Variants in CR1 observed in about 807,000 individuals in gnomAD.
The protein encoded by CR1 is complement receptor type 1.
In CR1, 116 loss-of-function variants were observed where a neutral mutation model predicts 187.3. That is an observed-to-expected ratio of 0.62 (90% confidence interval 0.53 to 0.72). The LOEUF (loss-of-function observed/expected upper bound fraction) is 0.72, where lower values mean the gene tolerates loss of function less well. Ranked by LOEUF, CR1 falls within the 30% of genes least tolerant of loss-of-function variation. The pLI, the probability that CR1 is intolerant of heterozygous loss-of-function variation, is 0.00. For missense variants in CR1, 1,731 were observed against 2,110.7 expected (o/e 0.82, Z 3.52); for synonymous variants, 576 against 747.1 (o/e 0.77, Z 3.73).
intron 1 of CR1, among the ~76,000 whole-genome samples, chr1:207,499,142 A>G (rs1659189004): frequency 1.3e-5 from 2 of 152,126 alleles, no homozygotes; most frequent in African/African-American, 4.8e-5. Context: ...TATAGACAAT[A>G]TATATGAAAA....
At chr1:207,515,804 G>A (rs1442257148) in intron 4 of CR1, among the ~76,000 whole-genome samples, 1 of 151,974 alleles carries the variant, frequency 6.6e-6, no homozygotes, top group Non-Finnish European at 1.5e-5. Flanking sequence ...TTGTCTTTCA[G>A]GCTGTGGCTT....
chr1:207,622,781 G>A (rs371015017), intron 44 of CR1, among the ~76,000 whole-genome samples: 3 of 152,012 alleles, frequency 2.0e-5, no homozygotes, highest in African/African-American at 7.2e-5. Flanking sequence ...TGGACTAAAC[G>A]TTACAAAACG....
At chr1:207,625,632 C>T (rs1662456689) in intron 45 of CR1, among the ~76,000 whole-genome samples, 1 of 152,104 alleles carries the variant, frequency 6.6e-6, no homozygotes, top group Non-Finnish European at 1.5e-5. Context: ...AACTCAGTCT[C>T]CCCAAGAACA....
Position 207,609,490 on chromosome 1 carries a change from C to G in CR1, c.6097C>G (p.Pro2033Ala). ...AGTTGGTGTTTGGAGCAGCCCTCCC[C>G]CTCGGTGTATTTCTACTAATAAATG... ...DQVGVWSSPP[P>A]RCISTNKCTA... is the part of the protein sequence containing the mutation. Residue 2033 changes from proline (P) to alanine (A), a missense_variant, in exon 37 of 47, where the codon CCT becomes GCT. Coordinates refer to ENST00000367049, the MANE Select transcript of CR1 (RefSeq NM_000651.6). The G allele has an allele frequency of 6.2e-7, 1 of 1,613,978 alleles. No homozygotes were observed.
intron 35 of CR1, among the ~76,000 whole-genome samples, chr1:207,597,040 A>G (rs1408571983): frequency 6.7e-6 from 1 of 149,032 alleles, no homozygotes; most frequent in African/African-American, 2.4e-5. Flanking sequence ...ATTATTTTAT[A>G]TCAATAAAAA....
At chr1:207,613,489 C>T (rs1662002272) in intron 39 of CR1, among the ~76,000 whole-genome samples, 2 of 152,092 alleles carry the variant, frequency 1.3e-5, no homozygotes. Context: ...TCAAACCAGT[C>T]CATGGATTTA....
intron 37 of CR1, among the ~76,000 whole-genome samples, chr1:207,610,324 ATTGT>A (rs977924087): frequency 2.0e-5 from 3 of 151,614 alleles, no homozygotes; most frequent in African/African-American, 4.9e-5. Flanking sequence ...AGGTTTTTTG[ATTGT>A]TTGTTTGTTT....
chr1:207,630,011 G>A (rs781721794), intron 45 of CR1, among the ~76,000 whole-genome samples: 1 of 152,188 alleles, frequency 6.6e-6, no homozygotes, highest in Non-Finnish European at 1.5e-5. Context: ...ATATTAAAAA[G>A]TGAGTAAATA....
At chr1:207,580,130 T>C (rs1175630278) in intron 29 of CR1, 110 bp from the exon 30 acceptor site, 2 of 1,477,346 alleles carry the variant, frequency 1.4e-6, no homozygotes, top group Non-Finnish European at 1.8e-6. Context: ...GGCCTTGTGC[T>C]AGGGAGAATT....
At chr1:207,598,202 T>G (rs1449293260) in intron 35 of CR1, among the ~76,000 whole-genome samples, 3 of 152,206 alleles carry the variant, frequency 2.0e-5, no homozygotes, top group Non-Finnish European at 4.4e-5. Flanking sequence ...TTGATGCCAC[T>G]GAATTATACC....
intron 1 of CR1, among the ~76,000 whole-genome samples, chr1:207,504,030 C>A (rs1443642871): frequency 1.3e-5 from 2 of 152,208 alleles, no homozygotes; most frequent in Non-Finnish European, 2.9e-5. Flanking sequence ...TGTCACACTT[C>A]AAACTGCAAA....
intron 3 of CR1, among the ~76,000 whole-genome samples, chr1:207,508,308 T>A (rs1379207820): frequency 6.6e-6 from 1 of 152,248 alleles, no homozygotes; most frequent in Non-Finnish European, 1.5e-5. Flanking sequence ...GTGGCCATGA[T>A]GTGTCAGTGT....
chr1:207,567,706 A>T, intron 24 of CR1, 118 bp from the exon 25 acceptor site: 2 of 1,351,484 alleles, frequency 1.5e-6, no homozygotes, highest in South Asian at 2.6e-5. Context: ...CAAAGTCCTA[A>T]TGTCTACTGT....
At chr1:207,505,769 G>A (rs1407775520) in intron 1 of CR1, 135 bp from the exon 2 acceptor site, 1 of 915,940 alleles carries the variant, frequency 1.1e-6, no homozygotes, top group Non-Finnish European at 1.6e-6. Context: ...CCAAGAGGCG[G>A]AGGTTGCAGT....
At chr1:207,499,278 T>G (rs1659192462) in intron 1 of CR1, among the ~76,000 whole-genome samples, 1 of 152,168 alleles carries the variant, frequency 6.6e-6, no homozygotes. Flanking sequence ...CATCATATAA[T>G]GATAAAGGGG....
chr1:207,629,782 T>C (rs1662587116), intron 45 of CR1, among the ~76,000 whole-genome samples: 1 of 152,168 alleles, frequency 6.6e-6, no homozygotes, highest in South Asian at 2.1e-4. Flanking sequence ...CAGTGTACCA[T>C]ACCAAGTGAG....
At chr1:207,617,541 G>A (rs1312524984) in intron 41 of CR1, among the ~76,000 whole-genome samples, 13 of 98,496 alleles carry the variant, frequency 1.3e-4, no homozygotes, top group East Asian at 5.0e-4. Context: ...GTGTGTGTAT[G>A]TGTGTATATA....
chr1:207,608,921 G>T (rs1410057230), intron 36 of CR1, among the ~76,000 whole-genome samples: 3 of 151,804 alleles, frequency 2.0e-5, no homozygotes, highest in African/African-American at 7.3e-5. Context: ...CATAAATAAT[G>T]CCAGAAGTGG....
In CR1 at chr1:207,496,175, A is replaced by G. The variant is rs1572976869; in HGVS notation, c.-93A>G. On this transcript the variant is annotated 5_prime_UTR_variant, in exon 1 of 47. Transcript: ENST00000367049. ...CCTCCCCACACTCTGGGCGCGGAGC[A>G]CAATGATTGGTCACTCCTATTTTCG... The G allele has an allele frequency of 1.4e-5, 23 of 1,605,800 alleles. No homozygotes were observed. The East Asian group carries it at 4.9e-4, about 34-fold the overall frequency.
Sources: allele counts gnomAD v4.1 joint callset (sites outside exome capture counted in the v4.1 genomes callset), GRCh38; gene constraint gnomAD v4.1.1; transcripts MANE v1.5; gene names NCBI Gene and HGNC (gene_info 2026-07-23, HGNC 2026-07-21).